Variants in PATJ observed in about 807,000 individuals in gnomAD.
PATJ encodes the protein PATJ crumbs cell polarity complex component.
A neutral mutation model predicts 224.9 loss-of-function variants in PATJ; 190 were observed. The observed-to-expected ratio is 0.84, with a 90% confidence interval of 0.75 to 0.95. The LOEUF (loss-of-function observed/expected upper bound fraction) is 0.95. PATJ is among the 40% of genes least tolerant of loss of function. The pLI is 0.00. For synonymous variants in PATJ, 769 were observed against 820.3 expected, an observed-to-expected ratio of 0.94 and a Z score of 1.07; for missense variants, 2,121 against 2,270.3, an observed-to-expected ratio of 0.93 and a Z score of 1.34.
chr1:61,758,770 G>T (rs1570299460), intron 1 of PATJ, among the ~76,000 whole-genome samples: 1 of 100,530 alleles, frequency 9.9e-6, no homozygotes, highest in Non-Finnish European at 2.6e-5. Flanking sequence ...TCTAGTTTTT[G>T]TTGTTGTTGT....
At chr1:61,767,158 A>AATACCT (rs1449658069) in intron 4 of PATJ, among the ~76,000 whole-genome samples, 1 of 152,190 alleles carries the variant, frequency 6.6e-6, no homozygotes, top group Non-Finnish European at 1.5e-5. Context: ...TGTAGCCCCT[A>AATACCT]ATACCTATTA....
intron 16 of PATJ, among the ~76,000 whole-genome samples, chr1:61,831,233 G>A (rs1226449503): frequency 6.6e-6 from 1 of 150,978 alleles, no homozygotes; most frequent in Non-Finnish European, 1.5e-5. Flanking sequence ...AAAAACCCTG[G>A]AAGAAAACCT....
intron 17 of PATJ, among the ~76,000 whole-genome samples, chr1:61,850,030 T>C (rs1373300354): frequency 1.3e-5 from 2 of 152,254 alleles, no homozygotes; most frequent in Non-Finnish European, 2.9e-5. Flanking sequence ...TGATTCCTTC[T>C]GTCTCCTCTT....
chr1:61,842,828 C>T (rs1380618139), intron 17 of PATJ, among the ~76,000 whole-genome samples: 1 of 152,046 alleles, frequency 6.6e-6, no homozygotes, highest in Admixed American at 6.5e-5. Flanking sequence ...GGTGTTTCAT[C>T]ACCAGTCTTC....
rs947775575 is a variant in PATJ, at chr1:61,927,793, A to G, written c.3634A>G (p.Ser1212Gly). ...PPPYKALTDD[S>G]DENEEEDAFT... is the part of the protein sequence containing the mutation. The stretch of plus-strand genomic sequence containing the variant: ...TCCTTATAAAGCTCTGACTGATGAC[A>G]GTGATGAAAATGAAGAAGAAGATGC... Residue 1212 changes from serine to glycine, a missense_variant, in exon 27 of 44, where the codon AGT (serine) becomes GGT (glycine). Ser to Gly is a moderately conservative substitution (Grantham distance 56, BLOSUM62 0). Coordinates refer to ENST00000642238, the MANE Select transcript of PATJ (RefSeq NM_001350145.3). 2.5e-6 allele frequency: 4 copies of G among 1,613,538 alleles called. No homozygotes were observed. The highest frequency in any genetic ancestry group is 1.3e-5 in the African/African-American group (1 of 74,880).
At chr1:62,087,348 A>T (rs1275812743) in intron 33 of PATJ, among the ~76,000 whole-genome samples, 1 of 151,640 alleles carries the variant, frequency 6.6e-6, no homozygotes, top group South Asian at 2.1e-4. Context: ...TCCTCTACCA[A>T]CTGAGTCTGA....
intron 29 of PATJ, among the ~76,000 whole-genome samples, chr1:62,030,619 A>G (rs1433822429): frequency 6.6e-6 from 1 of 152,204 alleles, no homozygotes; most frequent in African/African-American, 2.4e-5. Context: ...TCCACACAAA[A>G]CAAAAATATA....
intron 28 of PATJ, among the ~76,000 whole-genome samples, chr1:62,005,184 G>A (rs1319273057): frequency 6.6e-6 from 1 of 150,942 alleles, no homozygotes; most frequent in Non-Finnish European, 1.5e-5. Context: ...CACCCAGGTT[G>A]GAGAGCAGTG....
chr1:61,808,447 T>C, intron 13 of PATJ, 27 bp from the exon 14 acceptor site: 2 of 1,456,216 alleles, frequency 1.4e-6, no homozygotes, highest in Non-Finnish European at 9.6e-7. Flanking sequence ...CTTTTACAAA[T>C]ACTGGAAATT....
intron 41 of PATJ, among the ~76,000 whole-genome samples, chr1:62,141,276 T>G (rs1667468000): frequency 6.6e-6 from 1 of 152,202 alleles, no homozygotes; most frequent in Non-Finnish European, 1.5e-5. Flanking sequence ...CCTGTGTGAC[T>G]TAACCTCCCT....
chr1:62,036,503 G>A (rs1034819243), intron 29 of PATJ, among the ~76,000 whole-genome samples: 29 of 152,224 alleles, frequency 1.9e-4, no homozygotes, highest in South Asian at 1.5e-3. Flanking sequence ...TTTGAGATGC[G>A]TGTAAGACAT....
rs1459957624 is a variant in PATJ, at chr1:62,079,673, T to C, written c.4243+106T>C. On this transcript the variant is annotated intron_variant, in intron 32 of 43. Transcript: ENST00000642238. ...GGACCAGGAGGCAGAAGTCTGACTC[T>C]GGATACTTCCTCCGCTTCCTTAGCT... The C allele has an allele frequency of 4.1e-6, 3 of 732,910 alleles. No individual in the cohort carries two copies. In the East Asian group the frequency reaches 7.5e-5, roughly 18 times the overall value. 45.4% of individuals were successfully genotyped at this position (732,910 alleles called of 1,614,324 possible).
rs760520959 is a variant in PATJ at position 62,017,847 on chromosome 1, C to T, written c.3868-9C>T. 1.9e-6 allele frequency: 3 copies of T among 1,552,428 alleles called. No individual in the cohort carries two copies. In the South Asian group the frequency reaches 3.4e-5, roughly 17 times the overall value. ...TATAATTTAGTACATTGTGGTTTTT[C>T]CCAAACAGATAAACAATCAGATTCT... On this transcript the variant is annotated splice_polypyrimidine_tract_variant and intron_variant, in intron 28 of 43. Transcript: ENST00000642238.
At chr1:61,788,501 T>G (rs1649070559) in intron 8 of PATJ, among the ~76,000 whole-genome samples, 1 of 152,146 alleles carries the variant, frequency 6.6e-6, no homozygotes, top group Non-Finnish European at 1.5e-5. Flanking sequence ...GAAAATAAAG[T>G]CAAACATCAT....
At chr1:62,121,328 C>T (rs935815316) in intron 38 of PATJ, 33 bp downstream of exon 38, 5 of 1,202,258 alleles carry the variant, frequency 4.2e-6, no homozygotes, top group Non-Finnish European at 5.9e-6. Context: ...GCAAAACTAT[C>T]CTGTTACCCA....
chr1:61,775,645 C>A (rs1646873268), intron 7 of PATJ, among the ~76,000 whole-genome samples: 1 of 152,032 alleles, frequency 6.6e-6, no homozygotes, highest in South Asian at 2.1e-4. Context: ...GTATTATTCT[C>A]CTCTAGTGTG....
At chr1:62,129,105 C>A (rs1666023879) in intron 41 of PATJ, among the ~76,000 whole-genome samples, 160 bp downstream of exon 41, 1 of 152,206 alleles carries the variant, frequency 6.6e-6, no homozygotes, top group African/African-American at 2.4e-5. Flanking sequence ...TTCAGAAATT[C>A]TTTAATGCCA....
chr1:61,764,283 C>T lies in PATJ; in HGVS notation c.189+1104C>T, dbSNP rs540435736. Among the ~76,000 whole-genome samples the T allele has an allele frequency of 3.3e-5, 5 of 152,148 alleles. No homozygotes were observed. The East Asian group carries it at 7.7e-4, about 24-fold the overall frequency. ...TAGAAGTTCCTTGGAAGCAGAATAC[C>T]TGGTATTTAAATATATAGTTATGTT... is the stretch of plus-strand genomic sequence containing the variant. On this transcript the variant is annotated intron_variant, in intron 3 of 43. Transcript: ENST00000642238.
chr1:62,084,657 C>T lies in PATJ; in HGVS notation c.4377+9C>T, dbSNP rs1220551001. The T allele has an allele frequency of 6.2e-7, 1 of 1,611,670 alleles. No individual in the cohort carries two copies. Among genetic ancestry groups the T allele is most frequent in the Admixed American group, 1.7e-5 (1 of 59,616 alleles). ...GAAAAGACACACCCTTGGTAAGTTT[C>T]TAGAAATAAAATGTATCCACTGTCA... On this transcript the variant is annotated intron_variant, in intron 33 of 43. Transcript: ENST00000642238.
Sources: gnomAD v4.1 joint callset for allele counts (sites outside exome capture counted in the v4.1 genomes callset) on GRCh38, gnomAD v4.1.1 for gene constraint, MANE v1.5 for transcripts, NCBI Gene and HGNC (gene_info 2026-07-23, HGNC 2026-07-21) for gene names.